Variants in RBFOX1 observed in about 807,000 individuals in gnomAD.
RBFOX1 encodes RNA binding fox-1 homolog 1, also known as RNA binding protein fox-1 homolog 1.
Under a neutral mutation model 57.7 loss-of-function variants are expected in RBFOX1, and 8 were observed. The ratio of observed to expected loss-of-function variants is 0.14; its 90% confidence interval spans 0.08 to 0.25. The LOEUF (loss-of-function observed/expected upper bound fraction) is 0.25, where lower values mean the gene tolerates loss of function less well. Among genes scored for constraint, RBFOX1 ranks in the 10% least tolerant of loss-of-function variants. The pLI is 1.00. For synonymous variants in RBFOX1, 326 were observed against 222.4 expected, an observed-to-expected ratio of 1.47 and a Z score of -4.15; for missense variants, 611 against 548.5, an observed-to-expected ratio of 1.11 and a Z score of -1.14.
chr16:7,286,155 G>A (rs1042089792), intron 4 of RBFOX1, among the ~76,000 whole-genome samples: 3 of 152,164 alleles, frequency 2.0e-5, no homozygotes, highest in Non-Finnish European at 4.4e-5. Flanking sequence ...CTGGCATAGG[G>A]ATTAAATGAA....
At chr16:5,297,248 C>T (rs998646485) in intron 1 of RBFOX1, among the ~76,000 whole-genome samples, 3 of 152,228 alleles carry the variant, frequency 2.0e-5, no homozygotes, top group Non-Finnish European at 4.4e-5. Flanking sequence ...AACAGACTGA[C>T]TTCAGCTTCT....
chr16:7,579,227 T>C (rs887921770), intron 5 of RBFOX1, among the ~76,000 whole-genome samples: 5 of 152,240 alleles, frequency 3.3e-5, no homozygotes, highest in South Asian at 2.1e-4. Flanking sequence ...AGCTGGTTAT[T>C]TGAACTCCAG....
At chr16:6,666,339 G>T (rs1175222284) in intron 3 of RBFOX1, among the ~76,000 whole-genome samples, 2 of 152,078 alleles carry the variant, frequency 1.3e-5, no homozygotes, top group African/African-American at 4.8e-5. Context: ...TTTGAAACCA[G>T]CCTGGCCAAC....
In RBFOX1 at chr16:7,108,162, C is replaced by G. The variant is rs117571090; in HGVS notation, c.27+56064C>G. On this transcript the variant is annotated intron_variant, in intron 4 of 15. Transcript: ENST00000550418. ...AAATACATTTCAGGAAAATTGTGCT[C>G]GACACAATTTAATCTCTGATGGTTC... Among the ~76,000 whole-genome samples, 147 of 152,116 alleles carry G rather than the reference C, an allele frequency of 9.7e-4. 4 individuals are homozygous for G. In the East Asian group the frequency reaches 0.024, roughly 25 times the overall value.
intron 3 of RBFOX1, among the ~76,000 whole-genome samples, chr16:5,748,070 T>C (rs1376726472): frequency 6.6e-6 from 1 of 152,238 alleles, no homozygotes; most frequent in African/African-American, 2.4e-5. Context: ...TTCTGGTATG[T>C]TGTGTCTTTG....
intron 4 of RBFOX1, among the ~76,000 whole-genome samples, chr16:7,388,822 A>G (rs1220181023): frequency 1.3e-5 from 2 of 152,044 alleles, no homozygotes; most frequent in Non-Finnish European, 2.9e-5. Flanking sequence ...GAGCTTCTTT[A>G]AGGTAGAGAA....
chr16:5,922,017 C>A (rs930771489), intron 4 of RBFOX1, among the ~76,000 whole-genome samples: 1 of 151,968 alleles, frequency 6.6e-6, no homozygotes, highest in South Asian at 2.1e-4. Context: ...AAAAATTCGC[C>A]GGGCATGGTG....
intron 1 of RBFOX1, among the ~76,000 whole-genome samples, chr16:6,048,186 A>G (rs976435447): frequency 1.3e-5 from 2 of 152,176 alleles, no homozygotes; most frequent in Admixed American, 1.3e-4. Flanking sequence ...CTCATTGTAC[A>G]TTTGTTGAAG....
chr16:6,199,852 A>C (rs1486878025), intron 1 of RBFOX1, among the ~76,000 whole-genome samples: 1 of 152,214 alleles, frequency 6.6e-6, no homozygotes, highest in East Asian at 1.9e-4. Flanking sequence ...TCTCAGCCAC[A>C]GCTACCTATC....
chr16:5,781,834 T>A (rs2054333053), intron 3 of RBFOX1, among the ~76,000 whole-genome samples: 1 of 152,114 alleles, frequency 6.6e-6, no homozygotes, highest in South Asian at 2.1e-4. Flanking sequence ...TATCAGAAAA[T>A]GGTGGATTCC....
intron 13 of RBFOX1, among the ~76,000 whole-genome samples, chr16:7,670,765 C>T (rs775112012): frequency 6.6e-6 from 1 of 152,142 alleles, no homozygotes; most frequent in Non-Finnish European, 1.5e-5. Context: ...AAGTGTTCAG[C>T]CATCTCAGTG....
intron 1 of RBFOX1, among the ~76,000 whole-genome samples, chr16:5,300,936 C>G (rs1393985477): frequency 6.6e-6 from 1 of 152,160 alleles, no homozygotes; most frequent in East Asian, 1.9e-4. Context: ...GTCTGTCTGT[C>G]TCTCTCTCGC....
chr16:5,878,094 A>T (rs989032395), intron 4 of RBFOX1, among the ~76,000 whole-genome samples: 2 of 152,218 alleles, frequency 1.3e-5, no homozygotes, highest in African/African-American at 2.4e-5. Flanking sequence ...AAGCTTGAAA[A>T]ATAGCAAAGA....
intron 3 of RBFOX1, among the ~76,000 whole-genome samples, chr16:6,810,165 C>T (rs139990502): frequency 6.6e-6 from 1 of 152,144 alleles, no homozygotes; most frequent in African/African-American, 2.4e-5. Flanking sequence ...GATTACGGAT[C>T]ACTCTCATTG....
intron 4 of RBFOX1, among the ~76,000 whole-genome samples, chr16:7,182,415 C>T (rs891119052): frequency 3.9e-5 from 6 of 152,170 alleles, no homozygotes; most frequent in African/African-American, 1.4e-4. Context: ...TGAATTCGTT[C>T]ATGTTCTTGG....
At position 7,452,226 on chromosome 16, in the gene RBFOX1, G is replaced by C. The variant is rs566779243; in HGVS notation, c.28-65921G>C. Among the ~76,000 whole-genome samples the C allele has an allele frequency of 8.5e-5, 13 of 152,322 alleles. No homozygotes were observed. In the East Asian group the frequency reaches 2.3e-3, roughly 27 times the overall value. On this transcript the variant is annotated intron_variant, in intron 4 of 15. Transcript: ENST00000550418. Reference sequence around the variant, plus strand: ...TATGGATGAAATGTCAGACCTTTCAGCTGGCTTGGTTAAAGCACTTTAGTA... The same window carrying C: ...TATGGATGAAATGTCAGACCTTTCACCTGGCTTGGTTAAAGCACTTTAGTA...
intron 3 of RBFOX1, among the ~76,000 whole-genome samples, chr16:6,916,949 A>G (rs1206302649): frequency 1.3e-5 from 2 of 152,118 alleles, no homozygotes. Flanking sequence ...TTCCAGGTTC[A>G]AGCGGTTTTC....
intron 4 of RBFOX1, among the ~76,000 whole-genome samples, chr16:7,197,947 C>CT (rs1555557857): frequency 6.8e-6 from 1 of 146,160 alleles, no homozygotes; most frequent in Non-Finnish European, 1.5e-5. Flanking sequence ...CATGTGTTTT[C>CT]TCTTTTTTCC....
chr16:6,136,194 C>G (rs1211283257), intron 1 of RBFOX1, among the ~76,000 whole-genome samples: 1 of 152,094 alleles, frequency 6.6e-6, no homozygotes, highest in Non-Finnish European at 1.5e-5. Flanking sequence ...AAAGTAAGAC[C>G]TGGAGATTCG....
Sources: gnomAD v4.1 joint callset for allele counts (sites outside exome capture counted in the v4.1 genomes callset) on GRCh38, gnomAD v4.1.1 for gene constraint, MANE v1.5 for transcripts, NCBI Gene and HGNC (gene_info 2026-07-23, HGNC 2026-07-21) for gene names.